Variants in STK24 observed in about 807,000 individuals in gnomAD.
The protein encoded by STK24 is serine/threonine-protein kinase 24.
A neutral mutation model predicts 55.6 loss-of-function variants in STK24; 21 were observed. That is an observed-to-expected ratio of 0.38 (90% CI 0.27 to 0.54). STK24 has a LOEUF of 0.54. STK24 is among the 20% of genes least tolerant of loss of function. STK24 has a pLI of 0.79. For synonymous variants in STK24, 200 were observed against 215.2 expected, an observed-to-expected ratio of 0.93 and a Z score of 0.62; for missense variants, 383 against 538.4, an observed-to-expected ratio of 0.71 and a Z score of 2.86.
chr13:98,522,198 C>T (rs1896287226), intron 1 of STK24: 5 of 652,706 alleles, frequency 7.7e-6, no homozygotes, highest in Non-Finnish European at 7.6e-6. Context: ...GCCCCACTCC[C>T]GCTGGCTTCT....
chr13:98,454,229 A>G (rs1314211769), intron 10 of STK24: 1 of 152,238 alleles, frequency 6.6e-6, no homozygotes, highest in African/African-American at 2.4e-5. Flanking sequence ...GATTTGGGCT[A>G]CAGTGGTGGG....
intron 9 of STK24, among the ~76,000 whole-genome samples, 161 bp from the exon 10 acceptor site, chr13:98,457,465 CT>C (rs11351684): frequency 0.38 from 42,132 of 110,734 alleles, 6,497 homozygotes; most frequent in Non-Finnish European, 0.42. Context: ...CTTCAAATTG[CT>C]TTTTTTTTTT....
intron 3 of STK24, among the ~76,000 whole-genome samples, chr13:98,476,668 G>A (rs552924344): frequency 7.9e-5 from 12 of 152,320 alleles, no homozygotes; most frequent in African/African-American, 2.4e-4. Flanking sequence ...CTTGTGGGGT[G>A]CAGTGTGGGG....
At chr13:98,473,051 C>T (rs1219221347) in intron 5 of STK24, among the ~76,000 whole-genome samples, 1 of 151,554 alleles carries the variant, frequency 6.6e-6, no homozygotes, top group Admixed American at 6.6e-5. Context: ...TACAACACAG[C>T]ACGCTTGCTC....
chr13:98,574,098 G>A (rs1038438325), intron 1 of STK24, among the ~76,000 whole-genome samples: 21 of 151,892 alleles, frequency 1.4e-4, no homozygotes, highest in Non-Finnish European at 2.1e-4. Context: ...CGCAACCTCC[G>A]CCTCCCGGGT....
At chr13:98,520,844 C>G (rs571586968) in intron 1 of STK24, among the ~76,000 whole-genome samples, 1 of 152,362 alleles carries the variant, frequency 6.6e-6, no homozygotes, top group African/African-American at 2.4e-5. Context: ...CAATGACACA[C>G]GAGCAGATAG....
intron 2 of STK24, among the ~76,000 whole-genome samples, chr13:98,517,011 A>G (rs535655169): frequency 3.7e-4 from 56 of 152,368 alleles, no homozygotes; most frequent in African/African-American, 1.3e-3. Context: ...TTTGGCCACA[A>G]TAAAGCAGCC....
At chr13:98,499,338 G>C (rs569761940) in intron 2 of STK24, among the ~76,000 whole-genome samples, 1 of 152,252 alleles carries the variant, frequency 6.6e-6, no homozygotes, top group South Asian at 2.1e-4. Flanking sequence ...AGGGAATCCC[G>C]CACCTTGGGA....
At chr13:98,475,760 C>A (rs1299898332) in intron 3 of STK24, among the ~76,000 whole-genome samples, 4 of 152,114 alleles carry the variant, frequency 2.6e-5, no homozygotes, top group African/African-American at 9.7e-5. Flanking sequence ...ATGGCAGGGG[C>A]GGGGTACAGG....
In STK24 at chr13:98,482,115, G is replaced by A; in HGVS notation, c.330+150C>T. 1.2e-5 allele frequency: 5 copies of A among 416,982 alleles called. No individual in the cohort carries two copies. The South Asian group carries it at 2.5e-4, about 21-fold the overall frequency. 25.8% of individuals were successfully genotyped at this position (416,982 alleles called of 1,614,324 possible). A position where few individuals can be genotyped will look rare whatever the true frequency, so the allele number is the denominator to read the frequency against. ...AATAATTTTTAGTGATATATAAGAA[G>A]CAAAAAAACACGTAAGGAATAGTTT... is the stretch of plus-strand genomic sequence containing the variant. On this transcript the variant is annotated intron_variant, in intron 3 of 10. Coordinates refer to ENST00000539966, the MANE Select transcript of STK24 (RefSeq NM_001032296.4).
chr13:98,448,340 C>T lies in STK24; in HGVS notation c.*4833G>A. ...TGATGGCCGGACACACTCGTTTCCG[C>T]AGTGGCTGCTTTCCTGGAAGACGTT... On this transcript the variant is annotated 3_prime_UTR_variant, in exon 11 of 11. Coordinates refer to ENST00000539966, the MANE Select transcript of STK24 (RefSeq NM_001032296.4). The T allele has an allele frequency of 6.5e-7, 1 of 1,545,722 alleles. No individual in the cohort carries two copies. The highest frequency in any genetic ancestry group is 8.9e-7 in the Non-Finnish European group (1 of 1,117,502).
chr13:98,549,249 T>C (rs1251319016), intron 1 of STK24, among the ~76,000 whole-genome samples: 2 of 152,222 alleles, frequency 1.3e-5, no homozygotes, highest in Admixed American at 6.5e-5. Flanking sequence ...CATCGATTCA[T>C]TGCTTACAGT....
In STK24 at chr13:98,447,487, TC is replaced by T. The variant is rs1181591511; in HGVS notation, c.*5685del. On this transcript the variant is annotated 3_prime_UTR_variant, in exon 11 of 11. Transcript: ENST00000539966. ...AAAGGGTCCAGCCTTGCAGTCCAGA[TC>T]CTGAAAGGCCTGGGACAAGGCCAGG... 1 of 152,354 alleles carries T rather than the reference TC, an allele frequency of 6.6e-6. No homozygotes were observed. The highest frequency in any genetic ancestry group is 1.5e-5 in the Non-Finnish European group (1 of 68,216). The allele number at this position is 152,354 out of a possible 1,614,324, so 9.4% of individuals were successfully genotyped here.
At chr13:98,550,304 C>T (rs1168118036) in intron 1 of STK24, among the ~76,000 whole-genome samples, 1 of 152,124 alleles carries the variant, frequency 6.6e-6, no homozygotes, top group Non-Finnish European at 1.5e-5. Context: ...TTTGGGAGGT[C>T]AAGGGGGGAA....
chr13:98,519,583 T>C (rs1896188224), intron 1 of STK24, 110 bp from the exon 2 acceptor site: 1 of 865,028 alleles, frequency 1.2e-6, no homozygotes, highest in Non-Finnish European at 1.8e-6. Context: ...CAGGGACTCA[T>C]CTATTTTCTG....
At chr13:98,521,491 C>G (rs1400521214) in intron 1 of STK24, among the ~76,000 whole-genome samples, 1 of 152,082 alleles carries the variant, frequency 6.6e-6, no homozygotes, top group Non-Finnish European at 1.5e-5. Flanking sequence ...TCGTGAGCAG[C>G]CCTACAACAT....
chr13:98,565,622 A>T (rs1897544427), intron 1 of STK24, among the ~76,000 whole-genome samples: 1 of 130,740 alleles, frequency 7.6e-6, no homozygotes, highest in Admixed American at 8.4e-5. Flanking sequence ...CGAGAATGAG[A>T]CTCCATCTCA....
chr13:98,484,186 C>T (rs749112986), intron 2 of STK24, among the ~76,000 whole-genome samples: 10 of 152,332 alleles, frequency 6.6e-5, no homozygotes, highest in South Asian at 2.1e-4. Flanking sequence ...CTCACACACA[C>T]GCTCGCCTGC....
At chr13:98,570,183 T>C (rs1361285361) in intron 1 of STK24, among the ~76,000 whole-genome samples, 1 of 152,194 alleles carries the variant, frequency 6.6e-6, no homozygotes, top group Non-Finnish European at 1.5e-5. Flanking sequence ...CCGGTCAATT[T>C]TTTAATGTTC....
Sources: allele counts gnomAD v4.1 joint callset (sites outside exome capture counted in the v4.1 genomes callset), GRCh38; gene constraint gnomAD v4.1.1; transcripts MANE v1.5; gene names NCBI Gene and HGNC (gene_info 2026-07-23, HGNC 2026-07-21).